Variants in SLCO1C1 observed in about 807,000 individuals in gnomAD.
SLCO1C1 encodes OAT-RP-5.
In SLCO1C1, 70 loss-of-function variants were observed where a neutral mutation model predicts 76.4. The observed-to-expected ratio is 0.92, with a 90% confidence interval of 0.76 to 1.12. SLCO1C1 has a LOEUF of 1.12. SLCO1C1 is among the 50% of genes most tolerant of loss of function. The pLI is 0.00. For synonymous variants in SLCO1C1, 306 were observed against 286.1 expected (o/e 1.07, Z -0.70); for missense variants, 912 against 823.8 (o/e 1.11, Z -1.31).
intron 4 of SLCO1C1, among the ~76,000 whole-genome samples, chr12:20,706,587 C>A (rs1946788483): frequency 6.6e-6 from 1 of 152,110 alleles, no homozygotes; most frequent in South Asian, 2.1e-4. Flanking sequence ...ACTTTTGGTA[C>A]TTTTGTTAAT....
chr12:20,697,435 T>C (rs1284380138), intron 1 of SLCO1C1: 1 of 152,094 alleles, frequency 6.6e-6, no homozygotes, highest in East Asian at 1.9e-4. Context: ...AGATACCTAT[T>C]TAACATTGTA....
At chr12:20,700,344 G>A (rs919136671) in intron 2 of SLCO1C1, 17 of 151,862 alleles carry the variant, frequency 1.1e-4, no homozygotes, top group African/African-American at 4.1e-4. Context: ...TCATATACCT[G>A]TTGGCCATGC....
At chr12:20,736,393 G>T (rs1948542931) in intron 10 of SLCO1C1, among the ~76,000 whole-genome samples, 2 of 152,024 alleles carry the variant, frequency 1.3e-5, no homozygotes, top group South Asian at 4.1e-4. Context: ...TATTCTCCCG[G>T]AGCTAGCACT....
At chr12:20,732,794 G>C in intron 9 of SLCO1C1, 115 bp from the exon 10 acceptor site, 1 of 1,062,796 alleles carries the variant, frequency 9.4e-7, no homozygotes, top group South Asian at 1.6e-5. Flanking sequence ...GTCAGTAGAT[G>C]ATAGTGACTA....
rs868663292 is a variant in SLCO1C1 at position 20,750,776 on chromosome 12, G to A, written c.1900G>A (p.Asp634Asn). 2.5e-6 allele frequency: 4 copies of A among 1,613,960 alleles called. No homozygotes were observed. The highest frequency in any genetic ancestry group is 3.4e-6 in the Non-Finnish European group (4 of 1,179,916). ...AAGTAGAGGATCATGCAGATTATAT[G>A]ATTCAAATGTCTTCAGGTACCAAAT... is the stretch of plus-strand genomic sequence containing the variant. ...CGSRGSCRLY[D>N]SNVFRHIYLG... The change falls in exon 14 of 15, where the codon GAT (aspartate) becomes AAT (asparagine). Residue 634 changes from aspartate (D) to asparagine (N), a missense_variant. By Grantham distance (23) the Asp-to-Asn change is conservative (BLOSUM62 1). Transcript: ENST00000266509.
At chr12:20,743,782 C>A (rs1385286391) in intron 13 of SLCO1C1, among the ~76,000 whole-genome samples, 2 of 151,922 alleles carry the variant, frequency 1.3e-5, no homozygotes, top group African/African-American at 4.8e-5. Context: ...ACTCTCAATG[C>A]TTATCCCTTA....
intron 13 of SLCO1C1, among the ~76,000 whole-genome samples, chr12:20,747,885 CA>C (rs1949122084): frequency 6.6e-6 from 1 of 152,172 alleles, no homozygotes; most frequent in South Asian, 2.1e-4. Context: ...TACCCAATTT[CA>C]ACAATTATCA....
At chr12:20,723,640 G>A (rs2292701) in intron 9 of SLCO1C1, among the ~76,000 whole-genome samples, 2,571 of 152,070 alleles carry the variant, frequency 0.017, 39 homozygotes, top group Admixed American at 0.041. Context: ...TTGTATTTTC[G>A]CGGTCAAAAA....
At chr12:20,727,755 C>T (rs1347204201) in intron 9 of SLCO1C1, among the ~76,000 whole-genome samples, 6 of 152,114 alleles carry the variant, frequency 3.9e-5, no homozygotes, top group Non-Finnish European at 2.9e-5. Context: ...GTGATCTGCC[C>T]GCCTCGGCCT....
chr12:20,707,927 G>A (rs1232773320), intron 4 of SLCO1C1, among the ~76,000 whole-genome samples: 6 of 152,110 alleles, frequency 3.9e-5, no homozygotes, highest in Admixed American at 3.9e-4. Flanking sequence ...CTTTTGACAT[G>A]GTAGAGGATA....
At chr12:20,722,671 C>T (rs938796039) in intron 8 of SLCO1C1, among the ~76,000 whole-genome samples, 1 of 152,190 alleles carries the variant, frequency 6.6e-6, no homozygotes, top group Non-Finnish European at 1.5e-5. Flanking sequence ...GGAGATAACT[C>T]TCATATTTCT....
intron 13 of SLCO1C1, among the ~76,000 whole-genome samples, chr12:20,747,627 T>C (rs1202578056): frequency 6.6e-6 from 1 of 152,296 alleles, no homozygotes; most frequent in East Asian, 1.9e-4. Context: ...TGGCTTGTCT[T>C]CACATCATTA....
chr12:20,699,819 C>A (rs904860862), intron 2 of SLCO1C1, 114 bp downstream of exon 2: 1 of 1,152,330 alleles, frequency 8.7e-7, no homozygotes, highest in Non-Finnish European at 1.2e-6. Flanking sequence ...AAAAAAAGAT[C>A]TTAGATGCAA....
At chr12:20,716,982 T>A in intron 6 of SLCO1C1, 150 bp from the exon 7 acceptor site, 1 of 614,658 alleles carries the variant, frequency 1.6e-6, no homozygotes, top group South Asian at 2.2e-5. Flanking sequence ...CCTGATTTGA[T>A]GTGGTTTTAA....
rs773932918 is a variant in SLCO1C1, at chr12:20,717,217, C to A, written c.762C>A (p.Gly254=). 2.5e-6 allele frequency: 4 copies of A among 1,580,410 alleles called. No individual in the cohort carries two copies. The highest frequency in any genetic ancestry group is 1.2e-5 in the South Asian group (1 of 84,118). The change falls in exon 7 of 15, where the codon GGC becomes GGA. Residue 254 remains glycine (G), a synonymous_variant. Transcript: ENST00000266509. ...SLCAKLYVDI[G]FVNLDHITIT... is the part of the protein sequence containing the mutation. The stretch of plus-strand genomic sequence containing the variant: ...GTGCCAAACTATATGTTGACATTGG[C>A]TTTGTAAACCTAGGTAAGGAAGTTT...
At chr12:20,743,707 A>G (rs1948920608) in intron 13 of SLCO1C1, among the ~76,000 whole-genome samples, 1 of 133,126 alleles carries the variant, frequency 7.5e-6, no homozygotes, top group Non-Finnish European at 1.7e-5. Context: ...ATTAATAAGT[A>G]AGAAAGGCTG....
intron 9 of SLCO1C1, among the ~76,000 whole-genome samples, chr12:20,728,099 C>T (rs1234730344): frequency 6.6e-6 from 1 of 152,042 alleles, no homozygotes; most frequent in Non-Finnish European, 1.5e-5. Context: ...GAGTGTGATA[C>T]TGAGAAGGGT....
At position 20,732,061 on chromosome 12, in the gene SLCO1C1, C is replaced by G. The variant is rs564878525; in HGVS notation, c.1187-848C>G. ...CCCAGGCAAGCTGGGTCTCCAGAGT[C>G]TAAGCTCTTAACTACTAAATTGAAC... is the stretch of plus-strand genomic sequence containing the variant. On this transcript the variant is annotated intron_variant, in intron 9 of 14. Transcript: ENST00000266509. Among the ~76,000 whole-genome samples the G allele has an allele frequency of 2.0e-5, 3 of 152,302 alleles. No homozygotes were observed. In the South Asian group the frequency reaches 6.2e-4, roughly 32 times the overall value.
intron 9 of SLCO1C1, among the ~76,000 whole-genome samples, chr12:20,732,690 AATTT>A (rs2120826308): frequency 6.6e-6 from 1 of 152,242 alleles, no homozygotes; most frequent in African/African-American, 2.4e-5. Context: ...GGTATTTATT[AATTT>A]AATACTCTCT....
Sources: gnomAD v4.1 joint callset for allele counts (sites outside exome capture counted in the v4.1 genomes callset) on GRCh38, gnomAD v4.1.1 for gene constraint, MANE v1.5 for transcripts, NCBI Gene and HGNC (gene_info 2026-07-23, HGNC 2026-07-21) for gene names.